The following EPG5 variants were observed in gnomAD, a reference collection of about 807,000 sequenced individuals.
The protein encoded by EPG5 is ectopic P granules protein 5 homolog.
A neutral mutation model predicts 302.7 loss-of-function variants in EPG5; 159 were observed. The ratio of observed to expected loss-of-function variants is 0.53; its 90% CI spans 0.46 to 0.60. The LOEUF (loss-of-function observed/expected upper bound fraction) is 0.60, where lower values mean the gene tolerates loss of function less well. Among genes scored for constraint, EPG5 ranks in the 20% least tolerant of loss-of-function variants. The pLI is 0.00. For synonymous variants in EPG5, 1,158 were observed against 1,136.8 expected, an observed-to-expected ratio of 1.02 and a Z score of -0.37; for missense variants, 2,896 against 3,092.4, an observed-to-expected ratio of 0.94 and a Z score of 1.51.
intron 27 of EPG5, among the ~76,000 whole-genome samples, chr18:45,896,018 G>A (rs550169143): frequency 6.6e-6 from 1 of 152,308 alleles, no homozygotes; most frequent in South Asian, 2.1e-4. Context: ...CAACTTCATA[G>A]CAGGTAGAGT....
At chr18:45,898,183 A>G (rs1281986559) in intron 27 of EPG5, among the ~76,000 whole-genome samples, 1 of 152,142 alleles carries the variant, frequency 6.6e-6, no homozygotes, top group African/African-American at 2.4e-5. Context: ...AACATGGCAA[A>G]ATCCCATCTC....
At chr18:45,923,045 C>A (rs180855399) in intron 15 of EPG5, among the ~76,000 whole-genome samples, 7 of 152,308 alleles carry the variant, frequency 4.6e-5, no homozygotes, top group African/African-American at 1.7e-4. Context: ...TCTAACACAC[C>A]ACTGCAGTTC....
chr18:45,911,075 C>CTATT (rs2049883334), intron 22 of EPG5, among the ~76,000 whole-genome samples: 1 of 121,132 alleles, frequency 8.3e-6, no homozygotes, highest in African/African-American at 3.3e-5. Context: ...ATCTATCTAT[C>CTATT]TATACACACA....
intron 30 of EPG5, 65 bp from the exon 31 acceptor site, chr18:45,882,552 G>A (rs2049120691): frequency 2.9e-6 from 4 of 1,365,946 alleles, no homozygotes; most frequent in Admixed American, 2.4e-5. Flanking sequence ...AGAGGAGAGA[G>A]GTCTGTGTAA....
intron 2 of EPG5, chr18:45,953,343 C>T (rs1369100847): frequency 1.0e-6 from 1 of 985,216 alleles, no homozygotes; most frequent in African/African-American, 1.7e-5. Flanking sequence ...CATCATTCTT[C>T]ATAGTTCTAC....
intron 36 of EPG5, 36 bp downstream of exon 36, chr18:45,870,531 C>T (rs779626818): frequency 1.9e-6 from 3 of 1,584,870 alleles, no homozygotes; most frequent in Non-Finnish European, 2.6e-6. Context: ...GAAGCCAGAT[C>T]TCTCTAGGCT....
intron 25 of EPG5, among the ~76,000 whole-genome samples, chr18:45,901,410 A>C (rs2049614913): frequency 6.6e-6 from 1 of 152,180 alleles, no homozygotes; most frequent in Non-Finnish European, 1.5e-5. Context: ...TATCACGTGG[A>C]TCTAGTGAAC....
intron 27 of EPG5, chr18:45,890,298 A>G (rs1236374183): frequency 6.0e-6 from 1 of 165,634 alleles, no homozygotes; most frequent in Non-Finnish European, 1.3e-5. Context: ...TCAACTCCAA[A>G]CACTCAGGCT....
At chr18:45,885,628 T>C (rs964495915) in intron 29 of EPG5, among the ~76,000 whole-genome samples, 2 of 152,040 alleles carry the variant, frequency 1.3e-5, no homozygotes, top group African/African-American at 4.8e-5. Flanking sequence ...AAGCAAAAAT[T>C]GAAACAATTT....
Position 45,967,304 on chromosome 18 carries a change from C to T in EPG5, c.-65G>A. ...ACCCCTGCGCTTCAAGCAACCTGCC[C>T]GGTTCTGGCCTCCGGACTGTCACAT... On this transcript the variant is annotated 5_prime_UTR_variant, in exon 1 of 44. Coordinates refer to ENST00000282041, the MANE Select transcript of EPG5 (RefSeq NM_020964.3). The T allele has an allele frequency of 7.0e-7, 1 of 1,436,816 alleles. No individual in the cohort carries two copies. 89.0% of individuals were successfully genotyped at this position (1,436,816 alleles called of 1,614,324 possible).
chr18:45,807,573 C>G, the EPG5 span, among the ~76,000 whole-genome samples: 1 of 152,194 alleles, frequency 6.6e-6, no homozygotes. Context: ...AGAAAACTCC[C>G]AATACCAGAC....
chr18:45,931,509 C>T (rs2050395380), intron 11 of EPG5, among the ~76,000 whole-genome samples: 1 of 152,108 alleles, frequency 6.6e-6, no homozygotes, highest in Non-Finnish European at 1.5e-5. Flanking sequence ...CAAAGTTCTA[C>T]AGCAGAAAGG....
chr18:45,812,785 C>T, the EPG5 span, among the ~76,000 whole-genome samples: 3 of 152,162 alleles, frequency 2.0e-5, no homozygotes. Flanking sequence ...GGATTAAAGA[C>T]ATAAAAGTTA....
At chr18:45,884,395 A>G (rs186767488) in intron 30 of EPG5, among the ~76,000 whole-genome samples, 1 of 152,286 alleles carries the variant, frequency 6.6e-6, no homozygotes, top group East Asian at 1.9e-4. Context: ...CTGGTGCCAA[A>G]AAGGTTGGAG....
At chr18:45,901,765 CCACACACA>C (rs58432761) in intron 25 of EPG5, among the ~76,000 whole-genome samples, 2 of 146,658 alleles carry the variant, frequency 1.4e-5, no homozygotes, top group African/African-American at 5.0e-5. Context: ...CAATCCTGTG[CCACACACA>C]CACACACACA....
intron 38 of EPG5, among the ~76,000 whole-genome samples, 174 bp from the exon 39 acceptor site, chr18:45,865,933 C>T (rs1262213938): frequency 2.0e-5 from 3 of 152,154 alleles, no homozygotes; most frequent in Non-Finnish European, 4.4e-5. Flanking sequence ...TAGTGAAAGG[C>T]AAATCTATGG....
intron 39 of EPG5, 102 bp from the exon 40 acceptor site, chr18:45,860,448 A>T: frequency 6.9e-7 from 1 of 1,457,900 alleles, no homozygotes; most frequent in Non-Finnish European, 9.5e-7. Context: ...CTCCAGGCAG[A>T]TTTTACAGTG....
At position 45,943,939 on chromosome 18, in the gene EPG5, C is replaced by G. The variant is rs149216559; in HGVS notation, c.1792+66G>C. 90 of 1,003,952 alleles carry G rather than the reference C, an allele frequency of 9.0e-5. No individual in the cohort carries two copies. In the East Asian group the frequency reaches 2.0e-3, roughly 23 times the overall value. 62.2% of individuals were successfully genotyped at this position (1,003,952 alleles called of 1,614,324 possible). ...CCATCTCAAAAAAAAAAAGAAGACT[C>G]AATGCAGAGTTCCTGTGTTTACACT... On this transcript the variant is annotated intron_variant, in intron 8 of 43. Coordinates refer to ENST00000282041, the MANE Select transcript of EPG5 (RefSeq NM_020964.3).
At chr18:45,946,867 C>A in intron 6 of EPG5, 99 bp from the exon 7 acceptor site, 1 of 892,614 alleles carries the variant, frequency 1.1e-6, no homozygotes, top group South Asian at 1.5e-5. Flanking sequence ...CACATCATCC[C>A]AATCTTCCAA....
Sources: allele counts gnomAD v4.1 joint callset (sites outside exome capture counted in the v4.1 genomes callset), GRCh38; gene constraint gnomAD v4.1.1; transcripts MANE v1.5; gene names NCBI Gene and HGNC (gene_info 2026-07-23, HGNC 2026-07-21).